The following SLIT2 variants were observed in gnomAD, a reference collection of about 807,000 sequenced individuals.
SLIT2 encodes the protein slit homolog 2 protein.
A neutral mutation model predicts 185.7 loss-of-function variants in SLIT2; 41 were observed. That is an observed-to-expected ratio of 0.22 (90% CI 0.17 to 0.29). SLIT2 has a LOEUF of 0.29. Among genes scored for constraint, SLIT2 ranks in the 10% least tolerant of loss-of-function variants. SLIT2 has a pLI of 1.00. For missense variants in SLIT2, 1,571 were observed against 1,909.0 expected (o/e 0.82, Z 3.30); for synonymous variants, 693 against 680.2 (o/e 1.02, Z -0.29).
At chr4:20,523,119 T>C (rs1385797193) in intron 12 of SLIT2, among the ~76,000 whole-genome samples, 1 of 152,026 alleles carries the variant, frequency 6.6e-6, no homozygotes, top group East Asian at 1.9e-4. Context: ...ATCTGGGAGA[T>C]GAACATTTCA....
At position 20,467,734 on chromosome 4, in the gene SLIT2, T is replaced by C. The variant is rs773789015; in HGVS notation, c.396-18T>C. The C allele has an allele frequency of 2.7e-6, 4 of 1,497,404 alleles. No homozygotes were observed. The highest frequency in any genetic ancestry group is 3.5e-5 in the Admixed American group (2 of 57,062). The allele number at this position is 1,497,404 out of a possible 1,614,324, so 92.8% of individuals were successfully genotyped here. A position where few individuals can be genotyped will look rare whatever the true frequency, so the allele number is the denominator to read the frequency against. On this transcript the variant is annotated intron_variant, in intron 4 of 36. Coordinates refer to ENST00000504154, the MANE Select transcript of SLIT2 (RefSeq NM_004787.4). ...TAATATTTTCTAACGTGATCCTTTT[T>C]GTTGTTGTTGTTTTTAGTGATCTCA...
intron 4 of SLIT2, among the ~76,000 whole-genome samples, chr4:20,338,951 G>A (rs1720734165): frequency 6.6e-6 from 1 of 151,828 alleles, no homozygotes; most frequent in South Asian, 2.1e-4. Flanking sequence ...AAATTAGGTA[G>A]GCATGGTGGC....
At chr4:20,580,920 G>T (rs1367465816) in intron 29 of SLIT2, among the ~76,000 whole-genome samples, 1 of 151,762 alleles carries the variant, frequency 6.6e-6, no homozygotes, top group Non-Finnish European at 1.5e-5. Flanking sequence ...ACAGCTACAT[G>T]AAATAAAATG....
At chr4:20,510,428 G>T (rs1289183112) in intron 9 of SLIT2, 67 bp from the exon 10 acceptor site, 1 of 991,896 alleles carries the variant, frequency 1.0e-6, no homozygotes, top group Non-Finnish European at 1.6e-6. Flanking sequence ...CATGAATCCT[G>T]AGCTTGAATT....
intron 4 of SLIT2, among the ~76,000 whole-genome samples, chr4:20,419,154 C>T (rs935618293): frequency 2.0e-5 from 3 of 152,082 alleles, no homozygotes; most frequent in Non-Finnish European, 2.9e-5. Flanking sequence ...GTAACACTTG[C>T]GGTGGTGTCT....
chr4:20,565,906 C>T (rs1725053049), intron 26 of SLIT2, among the ~76,000 whole-genome samples: 1 of 151,962 alleles, frequency 6.6e-6, no homozygotes, highest in Non-Finnish European at 1.5e-5. Flanking sequence ...GATTTTAATT[C>T]AATACTGTTA....
chr4:20,426,516 T>A (rs932492484), intron 4 of SLIT2, among the ~76,000 whole-genome samples: 1 of 152,200 alleles, frequency 6.6e-6, no homozygotes, highest in Non-Finnish European at 1.5e-5. Context: ...CTGTGTAAGA[T>A]GCTATTAATG....
chr4:20,321,283 T>C (rs1276250981), intron 4 of SLIT2, among the ~76,000 whole-genome samples: 2 of 152,230 alleles, frequency 1.3e-5, no homozygotes, highest in South Asian at 4.1e-4. Context: ...GGATAGTCAA[T>C]TGCCAAAATT....
At chr4:20,490,468 T>C (rs1263987586) in intron 8 of SLIT2, among the ~76,000 whole-genome samples, 2 of 152,158 alleles carry the variant, frequency 1.3e-5, no homozygotes, top group Non-Finnish European at 2.9e-5. Flanking sequence ...TATATATATA[T>C]GTATGGTTGG....
chr4:20,593,807 T>A (rs908587024), intron 30 of SLIT2, among the ~76,000 whole-genome samples: 1 of 151,984 alleles, frequency 6.6e-6, no homozygotes, highest in Non-Finnish European at 1.5e-5. Context: ...GTTGATAACA[T>A]ACAATTAAGA....
intron 4 of SLIT2, among the ~76,000 whole-genome samples, chr4:20,414,881 G>A (rs1008931324): frequency 2.6e-5 from 4 of 152,128 alleles, no homozygotes; most frequent in African/African-American, 9.7e-5. Flanking sequence ...CTTGGAGTTT[G>A]TTGAGCTTCT....
chr4:20,375,596 A>G (rs1325745274), intron 4 of SLIT2, among the ~76,000 whole-genome samples: 2 of 152,120 alleles, frequency 1.3e-5, no homozygotes, highest in Non-Finnish European at 2.9e-5. Flanking sequence ...ATGGCAAACC[A>G]TTTAATCAGT....
At chr4:20,261,771 T>C (rs956740803) in intron 3 of SLIT2, among the ~76,000 whole-genome samples, 2 of 151,900 alleles carry the variant, frequency 1.3e-5, no homozygotes, top group Non-Finnish European at 2.9e-5. Context: ...AGTAGCATAC[T>C]GTGAAAAGTC....
intron 4 of SLIT2, among the ~76,000 whole-genome samples, chr4:20,353,406 G>T (rs958317444): frequency 6.6e-6 from 1 of 152,068 alleles, no homozygotes; most frequent in African/African-American, 2.4e-5. Flanking sequence ...ACCATAGTAT[G>T]AAACTTAATT....
chr4:20,427,867 A>C (rs1185225203), intron 4 of SLIT2, among the ~76,000 whole-genome samples: 2 of 152,126 alleles, frequency 1.3e-5, no homozygotes, highest in Non-Finnish European at 2.9e-5. Context: ...TATGCTTTTT[A>C]CCATGCCTCT....
At chr4:20,396,723 A>G (rs1271092628) in intron 4 of SLIT2, among the ~76,000 whole-genome samples, 1 of 150,572 alleles carries the variant, frequency 6.6e-6, no homozygotes, top group East Asian at 2.0e-4. Context: ...ATATTGTATG[A>G]CTGACAAAAC....
intron 4 of SLIT2, among the ~76,000 whole-genome samples, chr4:20,420,292 A>T (rs984308802): frequency 4.6e-5 from 7 of 152,142 alleles, no homozygotes; most frequent in African/African-American, 1.7e-4. Context: ...ATTCAGGCAG[A>T]TGTTTAGTTC....
At chr4:20,411,236 G>T (rs1013432746) in intron 4 of SLIT2, among the ~76,000 whole-genome samples, 1 of 152,100 alleles carries the variant, frequency 6.6e-6, no homozygotes, top group Non-Finnish European at 1.5e-5. Flanking sequence ...ACAGCTTGTC[G>T]AGGCACCACA....
chr4:20,428,427 T>G (rs1476788146), intron 4 of SLIT2, among the ~76,000 whole-genome samples: 1 of 152,200 alleles, frequency 6.6e-6, no homozygotes, highest in Non-Finnish European at 1.5e-5. Flanking sequence ...TTGCTTTTCT[T>G]TTCCTCAAAA....
Sources: allele counts gnomAD v4.1 joint callset (sites outside exome capture counted in the v4.1 genomes callset), GRCh38; gene constraint gnomAD v4.1.1; transcripts MANE v1.5; gene names NCBI Gene and HGNC (gene_info 2026-07-23, HGNC 2026-07-21).